Variants in HCRTR2 observed in about 807,000 individuals in gnomAD.
HCRTR2 encodes the protein hypocretin receptor 2, also known as orexin receptor type 2.
Under a neutral mutation model 49.0 loss-of-function variants are expected in HCRTR2, and 22 were observed. The ratio of observed to expected loss-of-function variants is 0.45; its 90% confidence interval spans 0.32 to 0.64. HCRTR2 has a LOEUF of 0.64. Among genes scored for constraint, HCRTR2 ranks in the 30% least tolerant of loss-of-function variants. The pLI is 0.04. For synonymous variants in HCRTR2, 236 were observed against 205.3 expected, an observed-to-expected ratio of 1.15 and a Z score of -1.28; for missense variants, 491 against 559.4, an observed-to-expected ratio of 0.88 and a Z score of 1.23.
chr6:55,143,122 A>T (rs1346782738), intron 1 of HCRTR2, among the ~76,000 whole-genome samples: 2 of 150,090 alleles, frequency 1.3e-5, no homozygotes, highest in South Asian at 4.2e-4. Flanking sequence ...GACCATTCAA[A>T]TATTTTTTAA....
chr6:55,119,744 A>T (rs908631082), intron 1 of HCRTR2, among the ~76,000 whole-genome samples: 1 of 150,128 alleles, frequency 6.7e-6, no homozygotes, highest in Non-Finnish European at 1.5e-5. Context: ...ATGATAGTTT[A>T]TTTTGCTATG....
intron 1 of HCRTR2, among the ~76,000 whole-genome samples, chr6:55,150,691 A>T (rs1332709583): frequency 6.6e-6 from 1 of 151,962 alleles, no homozygotes; most frequent in Non-Finnish European, 1.5e-5. Flanking sequence ...GCTGAATAAC[A>T]TTCCATTTTA....
At chr6:55,234,239 C>A (rs1766172180) in intron 1 of HCRTR2, among the ~76,000 whole-genome samples, 1 of 151,988 alleles carries the variant, frequency 6.6e-6, no homozygotes, top group African/African-American at 2.4e-5. Context: ...AAACCTAGGT[C>A]ATATAAATTT....
At chr6:55,221,471 G>A (rs1765890238) in intron 1 of HCRTR2, among the ~76,000 whole-genome samples, 1 of 152,026 alleles carries the variant, frequency 6.6e-6, no homozygotes, top group Admixed American at 6.5e-5. Context: ...CATATTCAAA[G>A]GACTGAAATT....
intron 1 of HCRTR2, among the ~76,000 whole-genome samples, chr6:55,110,964 T>C (rs1237975930): frequency 6.6e-6 from 1 of 152,108 alleles, no homozygotes; most frequent in Non-Finnish European, 1.5e-5. Flanking sequence ...AGATAGATCA[T>C]ATGATAGGTC....
At chr6:55,280,568 TTATC>T in intron 6 of HCRTR2, 124 bp downstream of exon 6, 1 of 1,296,540 alleles carries the variant, frequency 7.7e-7, no homozygotes, top group Non-Finnish European at 1.1e-6. Flanking sequence ...CTGACCTGAT[TTATC>T]TTGAGTTTCT....
chr6:55,145,611 T>A (rs922314936), intron 1 of HCRTR2, among the ~76,000 whole-genome samples: 33 of 152,152 alleles, frequency 2.2e-4, no homozygotes, highest in African/African-American at 8.0e-4. Flanking sequence ...GAGACGGGGT[T>A]TCACCGTGTT....
intron 1 of HCRTR2, among the ~76,000 whole-genome samples, chr6:55,121,479 C>T (rs1764198729): frequency 6.6e-6 from 1 of 152,160 alleles, no homozygotes. Context: ...TTTCTCTTGC[C>T]TGATTGCCCT....
intron 1 of HCRTR2, among the ~76,000 whole-genome samples, chr6:55,191,760 G>A (rs992765557): frequency 3.4e-5 from 5 of 148,220 alleles, no homozygotes; most frequent in Non-Finnish European, 6.0e-5. Context: ...TCTACACTAA[G>A]AGTTTAGAAA....
chr6:55,226,864 G>A (rs977339049), intron 1 of HCRTR2, among the ~76,000 whole-genome samples: 5 of 149,976 alleles, frequency 3.3e-5, no homozygotes, highest in Non-Finnish European at 4.5e-5. Flanking sequence ...GACTACAGGT[G>A]CCCGCCACCA....
At chr6:55,110,656 G>A (rs184521313) in intron 1 of HCRTR2, among the ~76,000 whole-genome samples, 10 of 151,654 alleles carry the variant, frequency 6.6e-5, no homozygotes, top group African/African-American at 2.4e-4. Flanking sequence ...AAAGATAAAA[G>A]GTATAGTGCA....
intron 1 of HCRTR2, among the ~76,000 whole-genome samples, chr6:55,108,477 C>T (rs997664505): frequency 6.6e-6 from 1 of 151,994 alleles, no homozygotes; most frequent in Non-Finnish European, 1.5e-5. Flanking sequence ...CACATCCTCA[C>T]CCCAATTCAT....
chr6:55,204,440 A>G (rs1765565200), intron 1 of HCRTR2, among the ~76,000 whole-genome samples: 1 of 152,138 alleles, frequency 6.6e-6, no homozygotes, highest in Non-Finnish European at 1.5e-5. Flanking sequence ...AATTACCTTT[A>G]CTTGAATATT....
At chr6:55,240,786 A>G (rs903959101) in intron 1 of HCRTR2, 9 of 427,882 alleles carry the variant, frequency 2.1e-5, no homozygotes, top group African/African-American at 1.6e-4. Context: ...ACTGCATTCC[A>G]TGACCTGTTT....
intron 1 of HCRTR2, among the ~76,000 whole-genome samples, chr6:55,135,818 C>T (rs531561504): frequency 4.1e-4 from 62 of 152,240 alleles, no homozygotes; most frequent in African/African-American, 1.4e-3. Flanking sequence ...TCAGAAAGCC[C>T]ACTTTTAACC....
At chr6:55,200,708 CAATT>C (rs1345015790) in intron 1 of HCRTR2, among the ~76,000 whole-genome samples, 1 of 152,060 alleles carries the variant, frequency 6.6e-6, no homozygotes, top group Non-Finnish European at 1.5e-5. Context: ...CATGACAAGA[CAATT>C]AGTAGAATTT....
intron 1 of HCRTR2, among the ~76,000 whole-genome samples, chr6:55,148,106 A>G (rs1462305500): frequency 1.3e-5 from 2 of 152,200 alleles, no homozygotes; most frequent in East Asian, 3.8e-4. Flanking sequence ...AGGCAAACCA[A>G]GGTTTATAGT....
intron 1 of HCRTR2, among the ~76,000 whole-genome samples, chr6:55,215,293 G>GA (rs1186354360): frequency 6.6e-6 from 1 of 151,956 alleles, no homozygotes; most frequent in Non-Finnish European, 1.5e-5. Context: ...TCAAAGAGCT[G>GA]AAAAAAAGTC....
chr6:55,127,776 G>A (rs1052690017), intron 1 of HCRTR2, among the ~76,000 whole-genome samples: 1 of 149,780 alleles, frequency 6.7e-6, no homozygotes, highest in Non-Finnish European at 1.5e-5. Context: ...GCTTGAGCCA[G>A]AAGCCAGAAA....
Sources: allele counts gnomAD v4.1 joint callset (sites outside exome capture counted in the v4.1 genomes callset), GRCh38; gene constraint gnomAD v4.1.1; transcripts MANE v1.5; gene names NCBI Gene and HGNC (gene_info 2026-07-23, HGNC 2026-07-21).